EXOC4: variants seen among roughly 807,000 people sequenced by gnomAD.
EXOC4 encodes SEC8-like 1.
EXOC4 carries 71 observed loss-of-function variants against 107.2 expected under a neutral mutation model. The observed-to-expected ratio is 0.66, with a 90% CI of 0.55 to 0.81. The LOEUF (loss-of-function observed/expected upper bound fraction) is 0.81. EXOC4 is among the 30% of genes least tolerant of loss of function. The pLI is 0.00. For synonymous variants in EXOC4, 456 were observed against 441.2 expected, an observed-to-expected ratio of 1.03 and a Z score of -0.42; for missense variants, 1,108 against 1,189.6, an observed-to-expected ratio of 0.93 and a Z score of 1.01.
At chr7:133,993,349 A>C (rs1453826755) in intron 14 of EXOC4, among the ~76,000 whole-genome samples, 1 of 152,204 alleles carries the variant, frequency 6.6e-6, no homozygotes, top group Non-Finnish European at 1.5e-5. Flanking sequence ...AAAAGTATTC[A>C]AGGGAGTTGA....
chr7:133,253,251 G>A, intron 1 of EXOC4, 64 bp downstream of exon 1: 1 of 1,579,078 alleles, frequency 6.3e-7, no homozygotes, highest in Non-Finnish European at 8.7e-7. Context: ...GCTTTGGAAG[G>A]GAGAAGGGTT....
At chr7:133,372,630 A>G (rs546410151) in intron 6 of EXOC4, among the ~76,000 whole-genome samples, 9 of 152,004 alleles carry the variant, frequency 5.9e-5, no homozygotes, top group Admixed American at 2.0e-4. Flanking sequence ...CAGTTGTGGC[A>G]CTCATTGGCC....
intron 11 of EXOC4, among the ~76,000 whole-genome samples, chr7:133,874,707 C>T (rs963405225): frequency 2.0e-5 from 3 of 152,210 alleles, no homozygotes; most frequent in Non-Finnish European, 4.4e-5. Context: ...CTGCACATAG[C>T]GGAACAAATG....
intron 7 of EXOC4, among the ~76,000 whole-genome samples, chr7:133,412,505 C>A (rs753977787): frequency 1.3e-5 from 2 of 151,588 alleles, no homozygotes; most frequent in Non-Finnish European, 2.9e-5. Context: ...TAATGGTAGC[C>A]CAGCTCTGCA....
At chr7:133,326,608 T>C (rs985370801) in intron 5 of EXOC4, among the ~76,000 whole-genome samples, 1 of 152,172 alleles carries the variant, frequency 6.6e-6, no homozygotes, top group African/African-American at 2.4e-5. Context: ...TGAGGTGTCA[T>C]TCTGCCCCTA....
At chr7:133,464,877 T>C (rs1798688897) in intron 7 of EXOC4, among the ~76,000 whole-genome samples, 1 of 132,956 alleles carries the variant, frequency 7.5e-6, no homozygotes, top group Non-Finnish European at 1.6e-5. Context: ...TGGAGTGCAG[T>C]AGTGCAGTCA....
chr7:134,063,774 C>T (rs1301059211), intron 17 of EXOC4, among the ~76,000 whole-genome samples: 1 of 152,108 alleles, frequency 6.6e-6, no homozygotes, highest in Non-Finnish European at 1.5e-5. Context: ...TATGAAGCAC[C>T]ACCATTCTGA....
chr7:133,573,044 A>G (rs1298396904), intron 9 of EXOC4, among the ~76,000 whole-genome samples: 1 of 152,212 alleles, frequency 6.6e-6, no homozygotes, highest in African/African-American at 2.4e-5. Flanking sequence ...CTTACTATAT[A>G]TAGGTAATTT....
At chr7:133,690,544 G>T (rs1226887303) in intron 10 of EXOC4, among the ~76,000 whole-genome samples, 4 of 152,112 alleles carry the variant, frequency 2.6e-5, no homozygotes. Context: ...GCTCTCCTGG[G>T]ATTCTGGCGA....
intron 5 of EXOC4, among the ~76,000 whole-genome samples, chr7:133,333,629 A>G (rs1403026014): frequency 6.6e-6 from 1 of 152,158 alleles, no homozygotes; most frequent in African/African-American, 2.4e-5. Context: ...ATATACATCT[A>G]TATGTATCTA....
rs778149618 is a variant in EXOC4 at position 133,997,533 on chromosome 7, C to A, written c.2248C>A (p.Pro750Thr). ...AGACAGCCACACGAACACGGATCTC[C>A]CCCCAGTGTCAGAGCAGATCATGCA... Reference protein sequence around the residue: ...AQDSHTNTDLPPVSEQIMQTL... With the variant: ...AQDSHTNTDLTPVSEQIMQTL... The change falls in exon 15 of 18, where the codon CCC becomes ACC. Residue 750 changes from proline (P) to threonine (T), a missense_variant. By Grantham distance (38) the Pro-to-Thr change is conservative. Transcript: ENST00000253861. 3 of 1,613,694 alleles carry A rather than the reference C, an allele frequency of 1.9e-6. No homozygotes were observed. Among genetic ancestry groups the A allele is most frequent in the Non-Finnish European group, 2.5e-6 (3 of 1,179,774 alleles).
In EXOC4 at chr7:133,767,595, C is replaced by G. The variant is rs138911033; in HGVS notation, c.1515-49730C>G. On this transcript the variant is annotated intron_variant, in intron 10 of 17. Coordinates refer to ENST00000253861, the MANE Select transcript of EXOC4 (RefSeq NM_021807.4). ...GACAGAAGCTACTAAAAGTGCTTTT[C>G]AAGCTTTCTTAGCAGTGAAAAGTCT... Among the ~76,000 whole-genome samples, 352 of 152,068 alleles carry G rather than the reference C, an allele frequency of 2.3e-3. 1 individual carries two copies. The Middle Eastern group carries it at 0.034, about 15-fold the overall frequency.
At chr7:133,937,774 C>A in intron 13 of EXOC4, 117 bp from the exon 14 acceptor site, 3 of 902,212 alleles carry the variant, frequency 3.3e-6, no homozygotes, top group Non-Finnish European at 5.2e-6. Flanking sequence ...GGAAAAAGAG[C>A]ACGCTGTAAA....
chr7:133,489,155 A>G (rs1234876871), intron 9 of EXOC4, among the ~76,000 whole-genome samples: 1 of 151,994 alleles, frequency 6.6e-6, no homozygotes, highest in Non-Finnish European at 1.5e-5. Flanking sequence ...CATAAATATA[A>G]AAGTCAAGGA....
intron 4 of EXOC4, among the ~76,000 whole-genome samples, chr7:133,310,447 GA>G (rs903523337): frequency 6.6e-6 from 1 of 151,948 alleles, no homozygotes; most frequent in African/African-American, 2.4e-5. Context: ...GCTGATGAGA[GA>G]AAAAAAATTC....
At chr7:133,319,490 T>C (rs1795062274) in intron 5 of EXOC4, among the ~76,000 whole-genome samples, 1 of 152,144 alleles carries the variant, frequency 6.6e-6, no homozygotes, top group Admixed American at 6.6e-5. Context: ...ACCTTTTATT[T>C]ATTTATTTAT....
intron 7 of EXOC4, among the ~76,000 whole-genome samples, chr7:133,411,222 T>C (rs905010185): frequency 1.3e-5 from 2 of 152,206 alleles, no homozygotes; most frequent in South Asian, 4.1e-4. Context: ...AATAGATGTA[T>C]GTAGATTAGT....
chr7:133,443,916 G>A (rs952094749), intron 7 of EXOC4, among the ~76,000 whole-genome samples: 12 of 152,178 alleles, frequency 7.9e-5, no homozygotes, highest in African/African-American at 2.7e-4. Flanking sequence ...TTGGAGTGTG[G>A]CCTTTATTTT....
At chr7:133,296,888 C>T (rs967681030) in intron 3 of EXOC4, among the ~76,000 whole-genome samples, 7 of 152,130 alleles carry the variant, frequency 4.6e-5, no homozygotes, top group Middle Eastern at 3.4e-3. Context: ...CATCCCAGAC[C>T]GGTTAAATAA....
Sources: gnomAD v4.1 joint callset for allele counts (sites outside exome capture counted in the v4.1 genomes callset) on GRCh38, gnomAD v4.1.1 for gene constraint, MANE v1.5 for transcripts, NCBI Gene and HGNC (gene_info 2026-07-23, HGNC 2026-07-21) for gene names.